Variants in NYAP2 observed in about 807,000 individuals in gnomAD.
NYAP2 encodes neuronal tyrosine-phosphorylated phosphoinositide-3-kinase adapter 2.
In NYAP2, 23 loss-of-function variants were observed where a neutral mutation model predicts 50.4. The ratio of observed to expected loss-of-function variants is 0.46; its 90% CI spans 0.33 to 0.65. The LOEUF (loss-of-function observed/expected upper bound fraction) is 0.65. NYAP2 is among the 30% of genes least tolerant of loss of function. The pLI is 0.02. For missense variants in NYAP2, 885 were observed against 861.0 expected (o/e 1.03, Z -0.35); for synonymous variants, 394 against 365.2 (o/e 1.08, Z -0.90).
chr2:225,650,852 G>C (rs1038897667), intron 6 of NYAP2, among the ~76,000 whole-genome samples: 3 of 152,080 alleles, frequency 2.0e-5, no homozygotes, highest in African/African-American at 4.8e-5. Flanking sequence ...AGCTAATTTG[G>C]GCTCCTCAAA....
At chr2:225,577,806 ATTT>A (rs10595085) in intron 4 of NYAP2, among the ~76,000 whole-genome samples, 1 of 147,910 alleles carries the variant, frequency 6.8e-6, no homozygotes, top group African/African-American at 2.5e-5. Flanking sequence ...TGAAAAGCAG[ATTT>A]TTTTTTTTTT....
chr2:225,504,188 T>C (rs377732331), intron 3 of NYAP2, among the ~76,000 whole-genome samples: 1 of 152,244 alleles, frequency 6.6e-6, no homozygotes, highest in East Asian at 1.9e-4. Context: ...AGCTGGAAAA[T>C]CCAAGCTTGA....
chr2:225,473,561 G>A (rs917060110), intron 3 of NYAP2, among the ~76,000 whole-genome samples: 2 of 152,220 alleles, frequency 1.3e-5, no homozygotes, highest in Non-Finnish European at 2.9e-5. Flanking sequence ...GATGGCCAGT[G>A]ATGATGAACC....
At chr2:225,683,485 G>A in the NYAP2 span, among the ~76,000 whole-genome samples, 1 of 152,202 alleles carries the variant, frequency 6.6e-6, no homozygotes, top group African/African-American at 2.4e-5. Context: ...ATTCTTTCCA[G>A]TTATTTTGAC....
chr2:225,640,914 T>G (rs949514372), intron 6 of NYAP2, among the ~76,000 whole-genome samples: 1 of 152,204 alleles, frequency 6.6e-6, no homozygotes, highest in Non-Finnish European at 1.5e-5. Flanking sequence ...TGATAGTAAT[T>G]TCATTCTCAG....
chr2:225,612,185 G>A (rs935536278), intron 5 of NYAP2, among the ~76,000 whole-genome samples: 5 of 149,340 alleles, frequency 3.3e-5, no homozygotes, highest in African/African-American at 9.9e-5. Context: ...CAGGAGATGA[G>A]TTGTGTATAA....
In NYAP2 at chr2:225,620,467, G is replaced by A. The variant is rs1246502774; in HGVS notation, c.1619-6450G>A. On this transcript the variant is annotated intron_variant, in intron 5 of 6. Coordinates refer to ENST00000636099, the Ensembl canonical transcript of NYAP2. The stretch of plus-strand genomic sequence containing the variant: ...CGCACACGCACGCACACACGCGCAT[G>A]CACACGCACACGCACGCACGCACAC... 5.1e-5 allele frequency among the ~76,000 whole-genome samples: 7 copies of A among 138,096 alleles called. No homozygotes were observed. The East Asian group carries it at 1.5e-3, about 29-fold the overall frequency. 90.6% of individuals were successfully genotyped at this position (138,096 alleles called of 152,430 possible).
At chr2:225,410,027 A>T (rs1469794772) in intron 3 of NYAP2, among the ~76,000 whole-genome samples, 1 of 152,130 alleles carries the variant, frequency 6.6e-6, no homozygotes, top group African/African-American at 2.4e-5. Context: ...ACTTTTGCTT[A>T]TCATCTCTGA....
the NYAP2 span, among the ~76,000 whole-genome samples, chr2:225,672,372 G>C: frequency 1.2e-4 from 19 of 152,028 alleles, no homozygotes; most frequent in Non-Finnish European, 2.1e-4. Context: ...TTCTTCCATA[G>C]GTCAGTCACC....
chr2:225,430,245 G>T (rs1215281107), intron 3 of NYAP2, among the ~76,000 whole-genome samples: 1 of 152,040 alleles, frequency 6.6e-6, no homozygotes, highest in Non-Finnish European at 1.5e-5. Context: ...GTTTTTCGAT[G>T]TCCAGGACCT....
chr2:225,576,407 A>G (rs1692171064), intron 4 of NYAP2, among the ~76,000 whole-genome samples: 1 of 152,224 alleles, frequency 6.6e-6, no homozygotes, highest in African/African-American at 2.4e-5. Context: ...TTCCTTAACA[A>G]ACATCTTAAT....
At chr2:225,656,725 C>T (rs1021627573), downstream of NYAP2, among the ~76,000 whole-genome samples, 14 of 152,122 alleles carry the variant, frequency 9.2e-5, no homozygotes, top group Admixed American at 3.3e-4. Flanking sequence ...GGGGTCAGTA[C>T]ATGTGAAGAC....
At chr2:225,444,106 A>C (rs1269940483) in intron 3 of NYAP2, among the ~76,000 whole-genome samples, 1 of 152,218 alleles carries the variant, frequency 6.6e-6, no homozygotes. Context: ...TAACCTTGGA[A>C]TTATTTCAGA....
At chr2:225,559,119 G>A (rs553541655) in intron 4 of NYAP2, among the ~76,000 whole-genome samples, 1 of 151,982 alleles carries the variant, frequency 6.6e-6, no homozygotes, top group Non-Finnish European at 1.5e-5. Flanking sequence ...TCCTTTTGAT[G>A]GATTTGAAAT....
At chr2:225,456,440 A>T (rs1479981785) in intron 3 of NYAP2, among the ~76,000 whole-genome samples, 1 of 152,140 alleles carries the variant, frequency 6.6e-6, no homozygotes, top group African/African-American at 2.4e-5. Flanking sequence ...CTTCTGTAAG[A>T]GTTGAAGAAG....
At chr2:225,457,760 C>A (rs893114674) in intron 3 of NYAP2, among the ~76,000 whole-genome samples, 2 of 152,120 alleles carry the variant, frequency 1.3e-5, no homozygotes, top group African/African-American at 4.8e-5. Context: ...TTATGTTAAT[C>A]AAGACCAAAG....
intron 5 of NYAP2, among the ~76,000 whole-genome samples, chr2:225,624,028 C>T (rs1184675054): frequency 6.6e-6 from 1 of 152,094 alleles, no homozygotes; most frequent in Non-Finnish European, 1.5e-5. Flanking sequence ...CCATATTTCT[C>T]AGTTAAAGGT....
chr2:225,458,961 C>T (rs1273800145), intron 3 of NYAP2, among the ~76,000 whole-genome samples: 3 of 152,188 alleles, frequency 2.0e-5, no homozygotes. Context: ...TTGGTCTACT[C>T]TGCTTTCAGT....
chr2:225,577,704 C>T (rs981842533), intron 4 of NYAP2, among the ~76,000 whole-genome samples: 4 of 152,018 alleles, frequency 2.6e-5, no homozygotes, highest in Admixed American at 1.3e-4. Flanking sequence ...TTGTTTCCTC[C>T]TCTGACTTAC....
Sources: allele counts gnomAD v4.1 joint callset (sites outside exome capture counted in the v4.1 genomes callset), GRCh38; gene constraint gnomAD v4.1.1; transcripts MANE v1.5; gene names NCBI Gene and HGNC (gene_info 2026-07-23, HGNC 2026-07-21).